Variants in SBF2 observed in about 807,000 individuals in gnomAD.
The protein encoded by SBF2 is myotubularin-related protein 13.
A neutral mutation model predicts 225.2 loss-of-function variants in SBF2; 112 were observed. The ratio of observed to expected loss-of-function variants is 0.50; its 90% CI spans 0.43 to 0.58. The LOEUF (loss-of-function observed/expected upper bound fraction) is 0.58. SBF2 is among the 20% of genes least tolerant of loss of function. The pLI, the probability that SBF2 is intolerant of heterozygous loss-of-function variation, is 0.00. For synonymous variants in SBF2, 763 were observed against 773.3 expected (o/e 0.99, Z 0.22); for missense variants, 1,996 against 2,206.2 (o/e 0.90, Z 1.91).
At chr11:10,260,274 T>G (rs944138299) in intron 1 of SBF2, among the ~76,000 whole-genome samples, 1 of 152,192 alleles carries the variant, frequency 6.6e-6, no homozygotes, top group Non-Finnish European at 1.5e-5. Flanking sequence ...AGGGCACATT[T>G]TGGCATATGC....
At chr11:9,949,711 C>G (rs553243000) in intron 16 of SBF2, among the ~76,000 whole-genome samples, 1 of 151,676 alleles carries the variant, frequency 6.6e-6, no homozygotes, top group Non-Finnish European at 1.5e-5. Context: ...GAAAAAGGGG[C>G]TTTTTTTTCC....
intron 24 of SBF2, among the ~76,000 whole-genome samples, chr11:9,845,102 G>A (rs533251622): frequency 6.6e-6 from 1 of 152,194 alleles, no homozygotes; most frequent in African/African-American, 2.4e-5. Flanking sequence ...TGGTGAATCT[G>A]GGTAAAATAT....
intron 2 of SBF2, among the ~76,000 whole-genome samples, chr11:10,086,159 C>T (rs943568984): frequency 2.0e-5 from 3 of 151,932 alleles, no homozygotes; most frequent in African/African-American, 4.8e-5. Context: ...CTTCTTTATA[C>T]AATTTCTGTT....
intron 2 of SBF2, among the ~76,000 whole-genome samples, chr11:10,045,483 C>T (rs1170782031): frequency 6.6e-6 from 1 of 152,086 alleles, no homozygotes; most frequent in Admixed American, 6.6e-5. Context: ...TTTTCAAAAA[C>T]CAAGGTATAG....
At chr11:10,079,984 A>T (rs1467477217) in intron 2 of SBF2, among the ~76,000 whole-genome samples, 5 of 135,682 alleles carry the variant, frequency 3.7e-5, no homozygotes, top group Non-Finnish European at 8.3e-5. Context: ...ACGATGGCTC[A>T]TGCCTGTAAT....
At chr11:9,902,828 G>A (rs10500713) in intron 16 of SBF2, among the ~76,000 whole-genome samples, 9,437 of 152,146 alleles carry the variant, frequency 0.062, 482 homozygotes, top group East Asian at 0.28. Flanking sequence ...GAGTGGATTG[G>A]AGTTAGATTT....
At chr11:9,853,995 G>A (rs1177118097) in intron 19 of SBF2, among the ~76,000 whole-genome samples, 1 of 152,154 alleles carries the variant, frequency 6.6e-6, no homozygotes, top group Non-Finnish European at 1.5e-5. Context: ...TCTCCCAAAA[G>A]GAATGCAGGA....
At chr11:9,947,826 G>A (rs1211916098) in intron 16 of SBF2, among the ~76,000 whole-genome samples, 1 of 152,024 alleles carries the variant, frequency 6.6e-6, no homozygotes, top group East Asian at 1.9e-4. Flanking sequence ...TGAAACCCTT[G>A]TGCTGGTGGG....
chr11:10,111,910 T>A (rs1952879048), intron 2 of SBF2, among the ~76,000 whole-genome samples: 1 of 152,164 alleles, frequency 6.6e-6, no homozygotes, highest in Non-Finnish European at 1.5e-5. Flanking sequence ...TAGAGTTCTG[T>A]TAGAGATGTT....
chr11:10,028,692 T>G (rs2134627903), intron 5 of SBF2, 135 bp from the exon 6 acceptor site: 2 of 690,170 alleles, frequency 2.9e-6, no homozygotes, highest in South Asian at 3.2e-5. Context: ...AAGGCAACAA[T>G]GTATATCCCA....
At chr11:10,041,825 T>C (rs1949667482) in intron 3 of SBF2, among the ~76,000 whole-genome samples, 1 of 99,696 alleles carries the variant, frequency 1.0e-5, no homozygotes, top group African/African-American at 2.7e-5. Context: ...TAGCAGAAAC[T>C]ACAGTAGATT....
intron 13 of SBF2, among the ~76,000 whole-genome samples, chr11:9,983,208 T>C (rs1053897635): frequency 1.9e-4 from 29 of 152,170 alleles, no homozygotes; most frequent in Non-Finnish European, 3.4e-4. Flanking sequence ...CGTCTTGCCC[T>C]CTGCCTGGAA....
At chr11:9,994,627 C>G (rs915395418) in intron 9 of SBF2, among the ~76,000 whole-genome samples, 2 of 141,524 alleles carry the variant, frequency 1.4e-5, no homozygotes, top group Non-Finnish European at 3.0e-5. Flanking sequence ...ATACACTAAA[C>G]TATAAAATAG....
chr11:9,799,372 G>A (rs1002064848), intron 32 of SBF2, among the ~76,000 whole-genome samples: 2 of 152,136 alleles, frequency 1.3e-5, no homozygotes, highest in African/African-American at 2.4e-5. Flanking sequence ...AGGTGTATAC[G>A]CTTGGGGGCA....
intron 1 of SBF2, among the ~76,000 whole-genome samples, chr11:10,264,048 T>G (rs1429527141): frequency 6.6e-6 from 1 of 152,238 alleles, no homozygotes; most frequent in African/African-American, 2.4e-5. Flanking sequence ...TAAAGCTTAC[T>G]AAGGAATATT....
At chr11:10,290,208 G>A (rs1225284949) in intron 1 of SBF2, among the ~76,000 whole-genome samples, 2 of 152,052 alleles carry the variant, frequency 1.3e-5, no homozygotes, top group African/African-American at 4.8e-5. Flanking sequence ...TGGGGTGGAG[G>A]TGGATCCCTG....
intron 1 of SBF2, among the ~76,000 whole-genome samples, chr11:10,252,232 T>C: frequency 6.6e-6 from 1 of 152,224 alleles, no homozygotes; most frequent in East Asian, 1.9e-4. Flanking sequence ...ACAATGGTGA[T>C]AGTGACATCA....
At chr11:9,801,721 T>C (rs374513879) in intron 32 of SBF2, among the ~76,000 whole-genome samples, 39 of 152,362 alleles carry the variant, frequency 2.6e-4, no homozygotes, top group African/African-American at 7.9e-4. Context: ...ATAAAACAGA[T>C]TGGATTATGT....
At chr11:9,897,757 G>C (rs1590367594) in intron 16 of SBF2, among the ~76,000 whole-genome samples, 1 of 152,188 alleles carries the variant, frequency 6.6e-6, no homozygotes, top group African/African-American at 2.4e-5. Context: ...TGGGACCTTA[G>C]ACATCAATTA....
Sources: gnomAD v4.1 joint callset for allele counts (sites outside exome capture counted in the v4.1 genomes callset) on GRCh38, gnomAD v4.1.1 for gene constraint, MANE v1.5 for transcripts, NCBI Gene and HGNC (gene_info 2026-07-23, HGNC 2026-07-21) for gene names.